TRPM2: variants seen among roughly 807,000 people sequenced by gnomAD.
The protein encoded by TRPM2 is estrogen-responsive element-associated gene 1 protein.
In TRPM2, 161 loss-of-function variants were observed where a neutral mutation model predicts 174.0. The observed-to-expected ratio is 0.93, with a 90% CI of 0.81 to 1.05. The LOEUF (loss-of-function observed/expected upper bound fraction) is 1.05. TRPM2 is among the 50% of genes least tolerant of loss of function. The pLI is 0.00. For synonymous variants in TRPM2, 954 were observed against 861.3 expected (o/e 1.11, Z -1.88); for missense variants, 2,057 against 2,038.0 (o/e 1.01, Z -0.18).
At chr21:44,441,016 A>T (rs2051482985) in intron 31 of TRPM2, 111 bp downstream of exon 31, 1 of 919,504 alleles carries the variant, frequency 1.1e-6, no homozygotes, top group Non-Finnish European at 1.8e-6. Context: ...GGCAGGCTGA[A>T]CTCTGTATGG....
intron 25 of TRPM2, among the ~76,000 whole-genome samples, chr21:44,426,086 C>G (rs1234105959): frequency 6.6e-6 from 1 of 152,176 alleles, no homozygotes; most frequent in Non-Finnish European, 1.5e-5. Flanking sequence ...GAGGCTTAGG[C>G]TCCTCCCATG....
At chr21:44,440,020 C>G (rs1417255254) in intron 30 of TRPM2, among the ~76,000 whole-genome samples, 5 of 150,984 alleles carry the variant, frequency 3.3e-5, no homozygotes, top group African/African-American at 1.2e-4. Context: ...GCGCCCAGCC[C>G]TTTATGGACG....
intron 28 of TRPM2, among the ~76,000 whole-genome samples, chr21:44,436,402 C>G (rs557705706): frequency 6.6e-6 from 1 of 152,094 alleles, no homozygotes; most frequent in African/African-American, 2.4e-5. Context: ...CTTCTCTGGC[C>G]GTGCAGACAT....
At chr21:44,413,836 T>C in intron 19 of TRPM2, 55 bp from the exon 20 acceptor site, 2 of 1,564,574 alleles carry the variant, frequency 1.3e-6, no homozygotes, top group Non-Finnish European at 8.7e-7. Context: ...CCTGCCAAGC[T>C]CCTCTTGACT....
chr21:44,436,174 G>C (rs915798145), intron 28 of TRPM2, among the ~76,000 whole-genome samples: 5 of 152,150 alleles, frequency 3.3e-5, no homozygotes, highest in Non-Finnish European at 5.9e-5. Flanking sequence ...CCCAAGGCAC[G>C]GGCCGCCTTC....
In TRPM2 at chr21:44,395,571, A is replaced by G. The variant is rs1277590795; in HGVS notation, c.1932+20A>G. The G allele has an allele frequency of 1.2e-6, 2 of 1,612,264 alleles. No individual in the cohort carries two copies. The highest frequency in any genetic ancestry group is 1.3e-5 in the African/African-American group (1 of 74,908). On this transcript the variant is annotated intron_variant, in intron 12 of 31. Coordinates refer to ENST00000397928, the MANE Select transcript of TRPM2 (RefSeq NM_003307.4). The stretch of plus-strand genomic sequence containing the variant: ...GCTCAGGTAATAAGACTGGCTTCTC[A>G]GTCTCAGCAGACACAGCTATAGGCC...
chr21:44,437,020 G>T, intron 28 of TRPM2, 42 bp from the exon 29 acceptor site: 1 of 1,535,220 alleles, frequency 6.5e-7, no homozygotes, highest in Non-Finnish European at 8.8e-7. Flanking sequence ...GAGGGTGGAG[G>T]CCGCAGCGGG....
chr21:44,431,545 C>G (rs1248979406), intron 27 of TRPM2, among the ~76,000 whole-genome samples: 1 of 152,198 alleles, frequency 6.6e-6, no homozygotes, highest in Admixed American at 6.5e-5. Context: ...TCTTGGCTCA[C>G]TGCAACCTCC....
chr21:44,431,156 C>T (rs1274186507), intron 27 of TRPM2, among the ~76,000 whole-genome samples: 3 of 152,002 alleles, frequency 2.0e-5, no homozygotes, highest in East Asian at 3.9e-4. Context: ...ATTCAACTTT[C>T]CTGGTTTTCT....
At chr21:44,388,798 G>GT (rs1349484554) in intron 9 of TRPM2, among the ~76,000 whole-genome samples, 1 of 152,098 alleles carries the variant, frequency 6.6e-6, no homozygotes. Flanking sequence ...TCACAGCACT[G>GT]TGCTCCAGCC....
chr21:44,375,122 C>T (rs1602159047), intron 5 of TRPM2, among the ~76,000 whole-genome samples: 1 of 152,196 alleles, frequency 6.6e-6, no homozygotes, highest in African/African-American at 2.4e-5. Context: ...GTCGTCCAGG[C>T]TGGTCTCGAA....
At chr21:44,365,889 A>C (rs2146149811) in intron 3 of TRPM2, among the ~76,000 whole-genome samples, 1 of 152,248 alleles carries the variant, frequency 6.6e-6, no homozygotes, top group East Asian at 1.9e-4. Context: ...ACCCGGTGGG[A>C]CCCACGTTCT....
rs746918135 is a variant in TRPM2, at chr21:44,439,186, GCT to G, written c.4269+21_4269+22del. 5.0e-6 allele frequency: 8 copies of G among 1,607,758 alleles called. No individual in the cohort carries two copies. The East Asian group carries it at 1.6e-4, about 31-fold the overall frequency. ...GCATGGAGGTATTCCTGGCCTGTTTGCTCTGTTCCACCTGTGTGTCCCCAGGG... is the reference window on the plus strand; with the variant it reads ...GCATGGAGGTATTCCTGGCCTGTTTGCTGTTCCACCTGTGTGTCCCCAGGG... On this transcript the variant is annotated intron_variant, in intron 30 of 31. Coordinates refer to ENST00000397928, the MANE Select transcript of TRPM2 (RefSeq NM_003307.4). This position sits in a 1 kb window ranked among gnomAD's most constrained non-coding sequence, Gnocchi z 5.1.
At chr21:44,407,072 C>A (rs989758042) in intron 19 of TRPM2, among the ~76,000 whole-genome samples, 2 of 146,054 alleles carry the variant, frequency 1.4e-5, no homozygotes, top group African/African-American at 5.1e-5. Flanking sequence ...ACCCTGTATC[C>A]CCTTTCCCTC....
At chr21:44,436,485 GCACCCCACGT>G (rs2051270705) in intron 28 of TRPM2, among the ~76,000 whole-genome samples, 1 of 151,282 alleles carries the variant, frequency 6.6e-6, no homozygotes, top group Non-Finnish European at 1.5e-5. Flanking sequence ...GTGGCACTCG[GCACCCCACGT>G]CACCCCCACG....
At chr21:44,371,846 A>G (rs1288267665) in intron 5 of TRPM2, among the ~76,000 whole-genome samples, 1 of 152,188 alleles carries the variant, frequency 6.6e-6, no homozygotes, top group Non-Finnish European at 1.5e-5. Flanking sequence ...CCATTGCCAG[A>G]TCTTGGCTGG....
At position 44,382,756 on chromosome 21, in the gene TRPM2, C is replaced by T. The variant is rs767106113; in HGVS notation, c.1254C>T (p.Val418=). Residue 418 remains valine, a synonymous_variant, in exon 9 of 32, where the codon GTC becomes GTT. Coordinates refer to ENST00000397928, the MANE Select transcript of TRPM2 (RefSeq NM_003307.4). The stretch of plus-strand genomic sequence containing the variant: ...TCCGGAGGCGGCAGCTGCTGACTGT[C>T]TTCCGGGAAGGCAAGGATGGTCAGC... ...DIVRRRQLLT[V]FREGKDGQQD... 6.2e-7 allele frequency: 1 copy of T among 1,614,122 alleles called. No individual in the cohort carries two copies.
intron 15 of TRPM2, 104 bp downstream of exon 15, chr21:44,400,475 C>T (rs1569065985): frequency 1.0e-6 from 1 of 954,082 alleles, no homozygotes; most frequent in Non-Finnish European, 1.6e-6. Flanking sequence ...GGGAGCAAGT[C>T]ATGTGTCCTC....
upstream of TRPM2, among the ~76,000 whole-genome samples, chr21:44,351,734 C>T (rs1246001828): frequency 6.6e-6 from 1 of 152,208 alleles, no homozygotes; most frequent in Non-Finnish European, 1.5e-5. Context: ...TGGGTCGAGC[C>T]ATTGGCCCCC....
Sources: allele counts gnomAD v4.1 joint callset (sites outside exome capture counted in the v4.1 genomes callset), GRCh38; gene constraint gnomAD v4.1.1; non-coding constraint Gnocchi (gnomAD v3.1); transcripts MANE v1.5; gene names NCBI Gene and HGNC (gene_info 2026-07-23, HGNC 2026-07-21).